PTPRM: variants seen among roughly 807,000 people sequenced by gnomAD.
PTPRM encodes receptor-type tyrosine-protein phosphatase mu.
A neutral mutation model predicts 186.7 loss-of-function variants in PTPRM; 47 were observed. That is an observed-to-expected ratio of 0.25 (90% CI 0.20 to 0.32). The LOEUF (loss-of-function observed/expected upper bound fraction) is 0.32. Among genes scored for constraint, PTPRM ranks in the 10% least tolerant of loss-of-function variants. The pLI, the probability that PTPRM is intolerant of heterozygous loss-of-function variation, is 1.00. For synonymous variants in PTPRM, 668 were observed against 674.9 expected (o/e 0.99, Z 0.16); for missense variants, 1,494 against 1,865.0 (o/e 0.80, Z 3.66).
chr18:7,682,735 G>A (rs562130783), intron 1 of PTPRM, among the ~76,000 whole-genome samples: 281 of 152,252 alleles, frequency 1.8e-3, no homozygotes, highest in Middle Eastern at 0.01. Context: ...AAACATTTGA[G>A]GTTCACAAAT....
chr18:8,192,226 C>T (rs572975190), intron 14 of PTPRM, among the ~76,000 whole-genome samples: 2 of 152,116 alleles, frequency 1.3e-5, no homozygotes, highest in South Asian at 2.1e-4. Flanking sequence ...TATCAATATT[C>T]GCACACATAT....
chr18:7,577,081 G>GT (rs145320745), intron 1 of PTPRM, among the ~76,000 whole-genome samples: 50 of 148,580 alleles, frequency 3.4e-4, no homozygotes, highest in Middle Eastern at 3.6e-3. Context: ...GCTTAAGGCT[G>GT]TTTTTTTTTT....
At chr18:8,346,044 A>C (rs910847729) in intron 23 of PTPRM, among the ~76,000 whole-genome samples, 2 of 152,230 alleles carry the variant, frequency 1.3e-5, no homozygotes, top group Non-Finnish European at 2.9e-5. Flanking sequence ...TTATATACTA[A>C]AAGTATAGAA....
chr18:8,054,298 AATATATAT>A (rs34903203), intron 7 of PTPRM, among the ~76,000 whole-genome samples: 3 of 131,692 alleles, frequency 2.3e-5, no homozygotes, highest in African/African-American at 3.2e-5. Context: ...TAGTAGTAGT[AATATATAT>A]ATATATATAT....
intron 13 of PTPRM, among the ~76,000 whole-genome samples, chr18:8,133,959 GA>G (rs1012707252): frequency 5.3e-5 from 8 of 151,972 alleles, no homozygotes; most frequent in Non-Finnish European, 7.4e-5. Flanking sequence ...TGAGAATAAA[GA>G]AAAAAATATG....
Position 8,335,374 on chromosome 18 carries a change from C to A in PTPRM, c.2957-8049C>A, listed in dbSNP as rs368471485. Among the ~76,000 whole-genome samples the A allele has an allele frequency of 1.4e-4, 22 of 152,286 alleles. 1 individual carries two copies. The East Asian group carries it at 4.1e-3, about 28-fold the overall frequency. On this transcript the variant is annotated intron_variant, in intron 22 of 32. Coordinates refer to ENST00000580170, the MANE Select transcript of PTPRM (RefSeq NM_001105244.2). ...TCTTCCTGACTTTGACTGCCACAGG[C>A]ATCCTCATACATCAGTTACCGACCC... is the stretch of plus-strand genomic sequence containing the variant.
At chr18:7,931,427 T>C (rs2051477495) in intron 5 of PTPRM, among the ~76,000 whole-genome samples, 2 of 152,196 alleles carry the variant, frequency 1.3e-5, no homozygotes, top group African/African-American at 4.8e-5. Flanking sequence ...CTTTCTTGGC[T>C]GGGTGCAGTG....
chr18:7,737,732 A>G (rs2040801424), intron 1 of PTPRM, among the ~76,000 whole-genome samples: 1 of 152,096 alleles, frequency 6.6e-6, no homozygotes, highest in Non-Finnish European at 1.5e-5. Flanking sequence ...TGTCTTCTGT[A>G]CCTTTGGACC....
At chr18:8,018,967 G>C (rs900436397) in intron 7 of PTPRM, among the ~76,000 whole-genome samples, 19 of 152,102 alleles carry the variant, frequency 1.2e-4, no homozygotes, top group African/African-American at 4.6e-4. Context: ...TTTCCCATCC[G>C]TAATAACGAC....
chr18:8,148,964 A>AT (rs1331689751), intron 14 of PTPRM, among the ~76,000 whole-genome samples: 1 of 152,098 alleles, frequency 6.6e-6, no homozygotes, highest in East Asian at 1.9e-4. Flanking sequence ...TGCTGATTTG[A>AT]TTGAGTTTCT....
intron 1 of PTPRM, among the ~76,000 whole-genome samples, chr18:7,711,653 C>T (rs1203883979): frequency 6.6e-6 from 1 of 152,140 alleles, no homozygotes; most frequent in Non-Finnish European, 1.5e-5. Context: ...GGGGGAGTGG[C>T]ATCTGCCATT....
At chr18:7,927,013 T>TTC (rs10616157) in intron 5 of PTPRM, among the ~76,000 whole-genome samples, 27 of 150,226 alleles carry the variant, frequency 1.8e-4, no homozygotes, top group South Asian at 4.2e-4. Context: ...AAGAGTCTCT[T>TTC]TCTCTCTCTC....
intron 22 of PTPRM, among the ~76,000 whole-genome samples, chr18:8,332,206 C>A (rs531543320): frequency 1.3e-5 from 2 of 152,082 alleles, no homozygotes; most frequent in Non-Finnish European, 2.9e-5. Context: ...ATTTCATAAT[C>A]ATTTTAATTG....
intron 19 of PTPRM, among the ~76,000 whole-genome samples, chr18:8,274,635 T>G (rs1197121787): frequency 6.6e-6 from 1 of 152,182 alleles, no homozygotes; most frequent in Non-Finnish European, 1.5e-5. Context: ...TTTGTTAAAT[T>G]ATTAGACCTA....
chr18:8,201,380 G>T (rs2093854057), intron 14 of PTPRM, among the ~76,000 whole-genome samples: 1 of 152,182 alleles, frequency 6.6e-6, no homozygotes, highest in South Asian at 2.1e-4. Flanking sequence ...ATATATTAAT[G>T]ATTGTTTCTT....
chr18:8,362,237 T>C (rs1380076206), intron 23 of PTPRM, among the ~76,000 whole-genome samples: 1 of 152,162 alleles, frequency 6.6e-6, no homozygotes, highest in Non-Finnish European at 1.5e-5. Context: ...CGCAATTAGT[T>C]CGCACCTTGC....
intron 2 of PTPRM, among the ~76,000 whole-genome samples, chr18:7,862,180 G>T (rs374858889): frequency 1.3e-5 from 2 of 152,072 alleles, no homozygotes; most frequent in Non-Finnish European, 2.9e-5. Context: ...CAAAATAAAG[G>T]TATCCAAATA....
At chr18:7,917,507 G>T (rs1477124043) in intron 4 of PTPRM, among the ~76,000 whole-genome samples, 1 of 152,174 alleles carries the variant, frequency 6.6e-6, no homozygotes, top group East Asian at 1.9e-4. Context: ...CTGTACTCCA[G>T]CCTGGGCGAC....
intron 1 of PTPRM, among the ~76,000 whole-genome samples, chr18:7,613,764 A>G (rs949920700): frequency 6.6e-6 from 1 of 152,216 alleles, no homozygotes; most frequent in East Asian, 1.9e-4. Context: ...CAGTGCAAGG[A>G]AAAGGTTGAC....
Sources: gnomAD v4.1 joint callset for allele counts (sites outside exome capture counted in the v4.1 genomes callset) on GRCh38, gnomAD v4.1.1 for gene constraint, MANE v1.5 for transcripts, NCBI Gene and HGNC (gene_info 2026-07-23, HGNC 2026-07-21) for gene names.